HDAC5: variants seen among roughly 807,000 people sequenced by gnomAD.
The protein encoded by HDAC5 is histone deacetylase 5.
Under a neutral mutation model 133.3 loss-of-function variants are expected in HDAC5, and 25 were observed. The ratio of observed to expected loss-of-function variants is 0.19; its 90% CI spans 0.14 to 0.26. The LOEUF is 0.26. HDAC5 is among the 10% of genes least tolerant of loss of function. The pLI is 1.00. For synonymous variants in HDAC5, 589 were observed against 610.8 expected, an observed-to-expected ratio of 0.96 and a Z score of 0.53; for missense variants, 1,041 against 1,460.5, an observed-to-expected ratio of 0.71 and a Z score of 4.68.
intron 3 of HDAC5, among the ~76,000 whole-genome samples, chr17:44,097,533 G>A (rs1368530056): frequency 2.0e-5 from 3 of 152,248 alleles, no homozygotes; most frequent in Non-Finnish European, 2.9e-5. Context: ...GCCCACGATG[G>A]TGGCAAGGAA....
intron 21 of HDAC5, 67 bp downstream of exon 21, chr17:44,080,696 G>A (rs1056344822): frequency 1.8e-5 from 29 of 1,607,002 alleles, no homozygotes; most frequent in Middle Eastern, 3.3e-4. Flanking sequence ...GTGGCTCCCC[G>A]CCAGGTCCCA....
chr17:44,112,800 A>G (rs1473300333), intron 2 of HDAC5, among the ~76,000 whole-genome samples: 2 of 152,208 alleles, frequency 1.3e-5, no homozygotes, highest in Non-Finnish European at 2.9e-5. Context: ...GGGGGTACCC[A>G]GTGGTGGACC....
intron 1 of HDAC5, among the ~76,000 whole-genome samples, chr17:44,121,895 G>A (rs1004951221): frequency 3.9e-5 from 6 of 152,074 alleles, no homozygotes; most frequent in African/African-American, 1.4e-4. Context: ...TCTGGTCTCT[G>A]GCATGCCCAC....
intron 2 of HDAC5, chr17:44,116,102 C>CT (rs1567691574): frequency 6.6e-6 from 1 of 152,348 alleles, no homozygotes. Flanking sequence ...ACAGATGCCG[C>CT]TAGGCAGCTT....
intron 1 of HDAC5, among the ~76,000 whole-genome samples, chr17:44,122,246 GC>G (rs2053056925): frequency 6.6e-6 from 1 of 152,064 alleles, no homozygotes; most frequent in Non-Finnish European, 1.5e-5. Flanking sequence ...ATGCCTGCCT[GC>G]CTACATCCTC....
intron 14 of HDAC5, among the ~76,000 whole-genome samples, chr17:44,085,983 T>C (rs2050629919): frequency 6.6e-6 from 1 of 152,082 alleles, no homozygotes; most frequent in African/African-American, 2.4e-5. Context: ...CCTCCTGAAA[T>C]TCCTTTGCTC....
At chr17:44,091,898 T>C in intron 9 of HDAC5, 67 bp from the exon 10 acceptor site, 1 of 1,494,686 alleles carries the variant, frequency 6.7e-7, no homozygotes, top group South Asian at 1.4e-5. Flanking sequence ...GAGGGCAACC[T>C]GGGGCCAAGG....
rs1172470941 is a variant in HDAC5 at position 44,086,701 on chromosome 17, C to A, written c.1921G>T (p.Val641Leu). The change falls in exon 14 of 27, where the codon GTG becomes TTG. Residue 641 changes from valine to leucine, a missense_variant. Physicochemically the swap from Val to Leu is conservative, Grantham distance 32 (BLOSUM62 1). Transcript: ENST00000682912. ...SDAQPLQPLQ[V>L]YQAPLSLATV... ...GCCAGGCTGAGGGGCGCCTGGTACA[C>A]CTGCAAAGGCTGCAGCGGCTGGGCA... 3.1e-6 allele frequency: 4 copies of A among 1,300,170 alleles called. No individual in the cohort carries two copies. The highest frequency in any genetic ancestry group is 5.7e-5 in the East Asian group (2 of 35,302). 80.5% of individuals were successfully genotyped at this position (1,300,170 alleles called of 1,614,324 possible).
chr17:44,085,138 A>G lies in HDAC5; in HGVS notation c.2068T>C (p.Phe690Leu). 1 of 1,599,628 alleles carries G rather than the reference A, an allele frequency of 6.3e-7. No homozygotes were observed. Among genetic ancestry groups the G allele is most frequent in the Non-Finnish European group, 8.6e-7 (1 of 1,168,096 alleles). Residue 690 changes from phenylalanine (F) to leucine (L), a missense_variant, in exon 15 of 27, where the codon TTC (phenylalanine) becomes CTC (leucine). Coordinates refer to ENST00000682912, the MANE Select transcript of HDAC5 (RefSeq NM_005474.5). ...CACATGCACTGGTGCTTTAGCATGAACGTGTCGTAGACCACACCTGGGCCA... is the reference window on the plus strand; with the variant it reads ...CACATGCACTGGTGCTTTAGCATGAGCGTGTCGTAGACCACACCTGGGCCA... ...LFTTGVVYDT[F>L]MLKHQCMCGN...
intron 3 of HDAC5, among the ~76,000 whole-genome samples, chr17:44,109,846 G>A (rs557085891): frequency 5.9e-5 from 9 of 152,372 alleles, no homozygotes; most frequent in African/African-American, 2.2e-4. Context: ...GGCTGAGCAG[G>A]CATGGGTCCA....
intron 9 of HDAC5, 45 bp from the exon 10 acceptor site, chr17:44,091,876 G>A (rs752634354): frequency 1.3e-6 from 2 of 1,513,866 alleles, no homozygotes; most frequent in Non-Finnish European, 1.8e-6. Flanking sequence ...GCACAAAGGG[G>A]AGGCAACAAG....
At chr17:44,094,154 CACT>C (rs2051112336) in intron 3 of HDAC5, among the ~76,000 whole-genome samples, 1 of 152,010 alleles carries the variant, frequency 6.6e-6, no homozygotes, top group Non-Finnish European at 1.5e-5. Context: ...GAAACCCCCT[CACT>C]ACTAAAAATA....
Position 44,091,221 on chromosome 17 carries a change from T to C in HDAC5, c.1387+49A>G, listed in dbSNP as rs374668714. The C allele has an allele frequency of 1.2e-4, 161 of 1,386,556 alleles. No homozygotes were observed. The African/African-American group carries it at 2.1e-3, about 18-fold the overall frequency. 85.9% of individuals were successfully genotyped at this position (1,386,556 alleles called of 1,614,324 possible). A position where few individuals can be genotyped will look rare whatever the true frequency, so the allele number is the denominator to read the frequency against. On this transcript the variant is annotated intron_variant, in intron 11 of 26. Transcript: ENST00000682912. ...CAGGGTTGGAGAGTATCCCTGACAGTTGGTCCTGACCTTAGCCCCCTCCCT... is the reference window on the plus strand; with the variant it reads ...CAGGGTTGGAGAGTATCCCTGACAGCTGGTCCTGACCTTAGCCCCCTCCCT...
intron 14 of HDAC5, 107 bp from the exon 15 acceptor site, chr17:44,085,262 T>G (rs2050591549): frequency 8.6e-7 from 1 of 1,167,196 alleles, no homozygotes; most frequent in Non-Finnish European, 1.1e-6. Context: ...AACCCCCAGG[T>G]CCAAACACCT....
chr17:44,086,987 G>A (rs891847283), intron 13 of HDAC5, among the ~76,000 whole-genome samples: 1 of 147,814 alleles, frequency 6.8e-6, no homozygotes, highest in African/African-American at 2.5e-5. Flanking sequence ...GGGTGGGGGC[G>A]GGGGCGGGGT....
At chr17:44,111,661 G>A (rs1025412681) in intron 2 of HDAC5, 2 of 517,688 alleles carry the variant, frequency 3.9e-6, no homozygotes, top group African/African-American at 1.9e-5. Context: ...ATAGCCCCAT[G>A]GAGGTTTGCT....
Position 44,117,636 on chromosome 17 carries a change from GC to G in HDAC5, c.-122del. On this transcript the variant is annotated 5_prime_UTR_variant, in exon 2 of 27. It removes the in-frame stop codon of an upstream open reading frame in the 5' UTR. Transcript: ENST00000682912. The surrounding 1 kb of genome is among the most constrained non-coding windows in gnomAD (Gnocchi z 4.2). Reference sequence around the variant, plus strand: ...ACGGACGGGACGGGAGCCCGGGGCCGCCGTGCCTCTAATGCCCATCCGAGGC... The same window carrying G: ...ACGGACGGGACGGGAGCCCGGGGCCGCGTGCCTCTAATGCCCATCCGAGGC... 8.4e-7 allele frequency: 1 copy of G among 1,183,578 alleles called. No homozygotes were observed. Among genetic ancestry groups the G allele is most frequent in the Non-Finnish European group, 1.2e-6 (1 of 806,396 alleles). 73.3% of individuals were successfully genotyped at this position (1,183,578 alleles called of 1,614,324 possible).
rs1337388709 is a variant in HDAC5, at chr17:44,123,561, C to G, written c.-247G>C. On this transcript the variant is annotated 5_prime_UTR_variant, in exon 1 of 27. Coordinates refer to ENST00000682912, the MANE Select transcript of HDAC5 (RefSeq NM_005474.5). ...GCGGCGGCAGCAGCGGCGGCGGCAG[C>G]GGCGGCAGCACCTCCTCGACGGCTC... 5.0e-6 allele frequency: 2 copies of G among 401,928 alleles called. No individual in the cohort carries two copies. Among genetic ancestry groups the G allele is most frequent in the East Asian group, 3.5e-5 (1 of 28,174 alleles). The allele number at this position is 401,928 out of a possible 1,614,324, so 24.9% of individuals were successfully genotyped here.
chr17:44,104,931 G>T (rs763072328), intron 3 of HDAC5, among the ~76,000 whole-genome samples: 7 of 152,140 alleles, frequency 4.6e-5, no homozygotes, highest in Non-Finnish European at 1.0e-4. Context: ...GACCCTTAGA[G>T]TGTCAGGGAA....
Sources: gnomAD v4.1 joint callset for allele counts (sites outside exome capture counted in the v4.1 genomes callset) on GRCh38, gnomAD v4.1.1 for gene constraint, Gnocchi (gnomAD v3.1) non-coding constraint, MANE v1.5 for transcripts, NCBI Gene and HGNC (gene_info 2026-07-23, HGNC 2026-07-21) for gene names.